The following IMMP2L variants were observed in gnomAD, a reference collection of about 807,000 sequenced individuals.
The protein encoded by IMMP2L is mitochondrial inner membrane protease subunit 2.
In IMMP2L, 18 loss-of-function variants were observed where a neutral mutation model predicts 19.3. The observed-to-expected ratio is 0.93, with a 90% confidence interval of 0.64 to 1.38. The LOEUF is 1.38. Among genes scored for constraint, IMMP2L ranks in the 40% most tolerant of loss-of-function variants. The pLI, the probability that IMMP2L is intolerant of heterozygous loss-of-function variation, is 0.00. For synonymous variants in IMMP2L, 76 were observed against 73.0 expected (o/e 1.04, Z -0.21); for missense variants, 233 against 218.2 (o/e 1.07, Z -0.43).
At chr7:111,124,829 C>G (rs756733518) in intron 3 of IMMP2L, 1 of 1,607,328 alleles carries the variant, frequency 6.2e-7, no homozygotes, top group Non-Finnish European at 8.5e-7. Context: ...CTCTGGGAAG[C>G]AGGAAAAGAA....
At chr7:110,817,636 A>G (rs1263922720) in intron 5 of IMMP2L, among the ~76,000 whole-genome samples, 1 of 152,102 alleles carries the variant, frequency 6.6e-6, no homozygotes, top group Non-Finnish European at 1.5e-5. Context: ...TGGAACCAAA[A>G]AAGAGCCCGC....
chr7:111,365,400 T>C (rs766305000), intron 3 of IMMP2L, among the ~76,000 whole-genome samples: 1 of 152,150 alleles, frequency 6.6e-6, no homozygotes, highest in Non-Finnish European at 1.5e-5. Context: ...TAATCCTATA[T>C]AGCTGCTTGT....
intron 3 of IMMP2L, among the ~76,000 whole-genome samples, chr7:111,399,955 T>C (rs1374594867): frequency 6.6e-6 from 1 of 152,106 alleles, no homozygotes; most frequent in Non-Finnish European, 1.5e-5. Flanking sequence ...ATCTATAATA[T>C]ATTAATTTAA....
intron 3 of IMMP2L, among the ~76,000 whole-genome samples, chr7:111,313,656 TA>T (rs1823745719): frequency 3.3e-5 from 5 of 152,236 alleles, no homozygotes; most frequent in African/African-American, 1.2e-4. Context: ...GTTACAGATG[TA>T]AAATCAACTA....
intron 1 of IMMP2L, among the ~76,000 whole-genome samples, chr7:111,546,411 C>T (rs1848936687): frequency 6.6e-6 from 1 of 152,038 alleles, no homozygotes; most frequent in Non-Finnish European, 1.5e-5. Context: ...TTTTGCATTT[C>T]TCTTATTATG....
At chr7:111,078,096 A>G (rs2129576024) in intron 3 of IMMP2L, among the ~76,000 whole-genome samples, 1 of 152,310 alleles carries the variant, frequency 6.6e-6, no homozygotes, top group East Asian at 1.9e-4. Context: ...ATTTACTTGC[A>G]CGTTTATCGT....
intron 3 of IMMP2L, among the ~76,000 whole-genome samples, chr7:110,999,651 T>TA (rs1196063879): frequency 6.6e-6 from 1 of 152,020 alleles, no homozygotes; most frequent in Non-Finnish European, 1.5e-5. Flanking sequence ...TCTGAATAGT[T>TA]ACTCTTTCTG....
At chr7:111,300,024 G>C (rs1160159949) in intron 3 of IMMP2L, among the ~76,000 whole-genome samples, 1 of 151,996 alleles carries the variant, frequency 6.6e-6, no homozygotes, top group Admixed American at 6.5e-5. Flanking sequence ...TATTTTGAAG[G>C]AAAAAATATT....
chr7:110,967,050 T>A (rs1819611763), intron 3 of IMMP2L, among the ~76,000 whole-genome samples: 1 of 152,120 alleles, frequency 6.6e-6, no homozygotes, highest in African/African-American at 2.4e-5. Flanking sequence ...GATGTGGATT[T>A]TAAACATTCT....
At chr7:110,783,988 T>C (rs1487819190) in intron 5 of IMMP2L, among the ~76,000 whole-genome samples, 1 of 151,934 alleles carries the variant, frequency 6.6e-6, no homozygotes, top group African/African-American at 2.4e-5. Flanking sequence ...TCAAGTACTA[T>C]TAATTTTATG....
intron 2 of IMMP2L, among the ~76,000 whole-genome samples, chr7:111,507,698 T>C (rs1845060690): frequency 6.6e-6 from 1 of 152,166 alleles, no homozygotes; most frequent in East Asian, 1.9e-4. Context: ...AGTTATCTCT[T>C]GCTTCATAAC....
At chr7:110,990,606 C>T (rs1034662916) in intron 3 of IMMP2L, among the ~76,000 whole-genome samples, 2 of 152,112 alleles carry the variant, frequency 1.3e-5, no homozygotes, top group Non-Finnish European at 2.9e-5. Flanking sequence ...TGATTTTTGC[C>T]TCAGAAACTC....
intron 3 of IMMP2L, among the ~76,000 whole-genome samples, chr7:111,425,789 C>T (rs1317026312): frequency 2.0e-5 from 3 of 151,154 alleles, no homozygotes; most frequent in African/African-American, 4.9e-5. Flanking sequence ...CTTAGTTACC[C>T]ACCTGCTGGA....
chr7:110,739,732 C>T (rs1036426624), intron 5 of IMMP2L, among the ~76,000 whole-genome samples: 12 of 152,236 alleles, frequency 7.9e-5, no homozygotes, highest in Admixed American at 7.8e-4. Context: ...ATTTACAGAA[C>T]ATTCTACCCA....
chr7:110,825,810 T>C (rs1159319812), intron 5 of IMMP2L, among the ~76,000 whole-genome samples: 67 of 152,054 alleles, frequency 4.4e-4, no homozygotes, highest in Admixed American at 4.4e-3. Flanking sequence ...CCAAAAGCAA[T>C]GGCAACAAAA....
At chr7:111,233,751 T>C (rs1344712086) in intron 3 of IMMP2L, among the ~76,000 whole-genome samples, 1 of 152,122 alleles carries the variant, frequency 6.6e-6, no homozygotes, top group Admixed American at 6.6e-5. Flanking sequence ...AGATAATTCT[T>C]ATGAAATCAA....
chr7:111,480,493 G>A (rs1443624617), intron 3 of IMMP2L, among the ~76,000 whole-genome samples: 1 of 148,836 alleles, frequency 6.7e-6, no homozygotes, highest in Non-Finnish European at 1.5e-5. Context: ...TTTTAAAAAT[G>A]TCACTTGTAC....
intron 5 of IMMP2L, among the ~76,000 whole-genome samples, chr7:110,783,652 T>A (rs996226010): frequency 6.6e-6 from 1 of 151,946 alleles, no homozygotes; most frequent in East Asian, 1.9e-4. Flanking sequence ...ATATCAGGGT[T>A]CTGTGAAAAA....
At chr7:111,340,217 T>C (rs1289545007) in intron 3 of IMMP2L, among the ~76,000 whole-genome samples, 2 of 152,062 alleles carry the variant, frequency 1.3e-5, no homozygotes, top group African/African-American at 4.8e-5. Context: ...CAAATATATC[T>C]ATAGTAATTC....
Sources: allele counts gnomAD v4.1 joint callset (sites outside exome capture counted in the v4.1 genomes callset), GRCh38; gene constraint gnomAD v4.1.1; transcripts MANE v1.5; gene names NCBI Gene and HGNC (gene_info 2026-07-23, HGNC 2026-07-21).